Variants in HDAC8 observed in about 807,000 individuals in gnomAD.
HDAC8 encodes the protein histone deacetylase-like 1.
In HDAC8, 1 loss-of-function variant was observed where a neutral mutation model predicts 32.2. That is an observed-to-expected ratio of 0.03 (90% CI 0.01 to 0.15). The LOEUF (loss-of-function observed/expected upper bound fraction) is 0.15, where lower values mean the gene tolerates loss of function less well. Among genes scored for constraint, HDAC8 ranks in the 10% least tolerant of loss-of-function variants. HDAC8 has a pLI of 1.00. For missense variants in HDAC8, 117 were observed against 300.0 expected, an observed-to-expected ratio of 0.39 and a Z score of 4.51; for synonymous variants, 108 against 113.9, an observed-to-expected ratio of 0.95 and a Z score of 0.33.
At chrX:72,461,668 A>G (rs782671282) in intron 9 of HDAC8, among the ~76,000 whole-genome samples, 1 of 111,952 alleles carries the variant, frequency 8.9e-6, no homozygotes, top group East Asian at 2.8e-4. Flanking sequence ...TACACATTTT[A>G]AAAATAGCCC....
intron 9 of HDAC8, among the ~76,000 whole-genome samples, chrX:72,448,222 G>A (rs1555985930): frequency 9.0e-6 from 1 of 111,700 alleles, no homozygotes; most frequent in Non-Finnish European, 1.9e-5. Context: ...GCATGGTACT[G>A]GTACCAAAAC....
intron 9 of HDAC8, among the ~76,000 whole-genome samples, chrX:72,373,914 A>C (rs932405454): frequency 1.8e-5 from 2 of 112,131 alleles, no homozygotes; most frequent in Admixed American, 9.4e-5. Flanking sequence ...GATATTTCAT[A>C]GTGGTTTGGG....
chrX:72,428,082 C>G (rs1243843267), intron 9 of HDAC8, among the ~76,000 whole-genome samples: 1 of 112,346 alleles, frequency 8.9e-6, no homozygotes, highest in African/African-American at 3.2e-5. Context: ...TCTGGCCCCC[C>G]TTTAGATTAT....
intron 9 of HDAC8, among the ~76,000 whole-genome samples, chrX:72,360,750 G>T (rs1465830276): frequency 3.6e-5 from 4 of 112,124 alleles, no homozygotes; most frequent in African/African-American, 1.3e-4. Flanking sequence ...AACCATGATG[G>T]AAACAAAAAA....
intron 2 of HDAC8, among the ~76,000 whole-genome samples, chrX:72,569,457 T>A (rs1166133213): frequency 8.9e-6 from 1 of 112,305 alleles, no homozygotes; most frequent in Non-Finnish European, 1.9e-5. Flanking sequence ...ATGGGACTTA[T>A]GTGAAGATAA....
intron 9 of HDAC8, among the ~76,000 whole-genome samples, chrX:72,460,903 T>C (rs782346306): frequency 8.9e-6 from 1 of 112,315 alleles, no homozygotes; most frequent in Non-Finnish European, 1.9e-5. Context: ...GAAAAGAGAC[T>C]TCTATTAACC....
intron 9 of HDAC8, among the ~76,000 whole-genome samples, chrX:72,457,993 T>TAA (rs1278240201): frequency 2.8e-5 from 3 of 108,461 alleles, no homozygotes; most frequent in African/African-American, 1.0e-4. Flanking sequence ...CACATATACA[T>TAA]ACACACACAC....
chrX:72,559,468 T>C (rs1556109879), intron 4 of HDAC8, among the ~76,000 whole-genome samples: 1 of 111,375 alleles, frequency 9.0e-6, no homozygotes, highest in African/African-American at 3.3e-5. Context: ...AGTGCCGAGA[T>C]TGCAGCCTCT....
chrX:72,332,549 T>C (rs2043552904), intron 10 of HDAC8, among the ~76,000 whole-genome samples: 1 of 111,681 alleles, frequency 9.0e-6, no homozygotes, highest in Non-Finnish European at 1.9e-5. Flanking sequence ...TCTTTTCATG[T>C]GCTCATTTGC....
intron 4 of HDAC8, among the ~76,000 whole-genome samples, chrX:72,503,154 A>G (rs1468326135): frequency 2.7e-5 from 3 of 111,812 alleles, no homozygotes; most frequent in Non-Finnish European, 5.6e-5. Context: ...TTTTACACCA[A>G]TGCTTCCCTG....
intron 9 of HDAC8, among the ~76,000 whole-genome samples, chrX:72,353,524 G>C (rs1212041029): frequency 5.4e-5 from 6 of 111,730 alleles, no homozygotes; most frequent in Non-Finnish European, 1.1e-4. Flanking sequence ...GGTTACCTGG[G>C]GGACACATCC....
At chrX:72,527,553 C>G (rs781867971) in intron 4 of HDAC8, among the ~76,000 whole-genome samples, 3 of 111,216 alleles carry the variant, frequency 2.7e-5, no homozygotes, top group Non-Finnish European at 5.6e-5. Context: ...TATGGGAACA[C>G]AGTAAAAACC....
intron 10 of HDAC8, among the ~76,000 whole-genome samples, chrX:72,341,140 T>G (rs1317104096): frequency 4.5e-5 from 5 of 111,775 alleles, no homozygotes; most frequent in Non-Finnish European, 3.8e-5. Flanking sequence ...CTTATTGCCA[T>G]AGTGAACATG....
chrX:72,386,254 A>G (rs2045422790), intron 9 of HDAC8, among the ~76,000 whole-genome samples: 2 of 112,017 alleles, frequency 1.8e-5, no homozygotes, highest in South Asian at 3.8e-4. Flanking sequence ...TTGCAAAACA[A>G]TATGTACAGT....
intron 9 of HDAC8, among the ~76,000 whole-genome samples, chrX:72,370,384 G>A (rs185877358): frequency 9.0e-6 from 1 of 111,662 alleles, no homozygotes; most frequent in East Asian, 2.8e-4. Context: ...TTTTTGAGAC[G>A]AAGTTTCATT....
chrX:72,566,406 A>G (rs1334261096), intron 4 of HDAC8, among the ~76,000 whole-genome samples: 4 of 112,919 alleles, frequency 3.5e-5, no homozygotes, highest in Non-Finnish European at 7.5e-5. Context: ...TTTTAAAACC[A>G]TGTAAGACTC....
intron 6 of HDAC8, 138 bp from the exon 7 acceptor site, chrX:72,489,179 T>C: frequency 2.1e-6 from 1 of 480,511 alleles, no homozygotes; most frequent in East Asian, 3.5e-5. Context: ...GTAAACAATC[T>C]TGGAGAAGCA....
intron 9 of HDAC8, among the ~76,000 whole-genome samples, chrX:72,393,200 G>A (rs1321394828): frequency 8.9e-6 from 1 of 111,942 alleles, no homozygotes; most frequent in Non-Finnish European, 1.9e-5. Flanking sequence ...AAGTTTCTCA[G>A]TGTAATCCTC....
intron 4 of HDAC8, among the ~76,000 whole-genome samples, chrX:72,515,147 C>T (rs889857129): frequency 1.3e-4 from 15 of 111,118 alleles, no homozygotes; most frequent in Middle Eastern, 4.6e-3. Context: ...CTTTCCAGAA[C>T]GTATTCATCT....
Sources: allele counts gnomAD v4.1 joint callset (sites outside exome capture counted in the v4.1 genomes callset), GRCh38; gene constraint gnomAD v4.1.1; transcripts MANE v1.5; gene names NCBI Gene and HGNC (gene_info 2026-07-23, HGNC 2026-07-21).